The following CALN1 variants were observed in gnomAD, a reference collection of about 807,000 sequenced individuals.
The protein encoded by CALN1 is calneuron 1, also known as calcium-binding protein 8.
Under a neutral mutation model 30.6 loss-of-function variants are expected in CALN1, and 17 were observed. That is an observed-to-expected ratio of 0.56 (90% CI 0.38 to 0.83). The LOEUF is 0.83. CALN1 is among the 40% of genes least tolerant of loss of function. The pLI, the probability that CALN1 is intolerant of heterozygous loss-of-function variation, is 0.00. For synonymous variants in CALN1, 156 were observed against 131.4 expected (o/e 1.19, Z -1.28); for missense variants, 291 against 354.9 (o/e 0.82, Z 1.45).
intron 5 of CALN1, among the ~76,000 whole-genome samples, chr7:71,955,477 A>G (rs1796912740): frequency 1.3e-5 from 2 of 151,944 alleles, no homozygotes; most frequent in South Asian, 2.1e-4. Context: ...TATGACCCCT[A>G]CTCCCTAAGT....
intron 3 of CALN1, 48 bp from the exon 4 acceptor site, chr7:72,106,342 A>G (rs1807109078): frequency 3.1e-6 from 5 of 1,610,282 alleles, no homozygotes; most frequent in Non-Finnish European, 4.2e-6. Flanking sequence ...GGCTGGCTTT[A>G]TTGCACTGCA....
intron 4 of CALN1, among the ~76,000 whole-genome samples, chr7:72,044,616 T>C (rs942330664): frequency 9.1e-5 from 13 of 142,396 alleles, no homozygotes; most frequent in African/African-American, 3.4e-4. Context: ...TTTTTTTTTT[T>C]TTTTTTTTTT....
upstream of CALN1, among the ~76,000 whole-genome samples, chr7:72,414,826 T>C (rs1011601010): frequency 6.6e-5 from 10 of 152,160 alleles, no homozygotes; most frequent in Non-Finnish European, 1.2e-4. Context: ...CCCCCAAATA[T>C]ATATCCTGAA....
chr7:72,399,829 G>A (rs368942366), intron 2 of CALN1, among the ~76,000 whole-genome samples: 1 of 152,294 alleles, frequency 6.6e-6, no homozygotes, highest in East Asian at 1.9e-4. Context: ...AGGTGTTTGG[G>A]TCATGCAGGC....
chr7:71,971,953 A>AAAAAAAAGAAAGAAAGAAAGAAAG (rs1797839188), intron 5 of CALN1, among the ~76,000 whole-genome samples: 1 of 72,838 alleles, frequency 1.4e-5, no homozygotes, highest in East Asian at 7.0e-4. Flanking sequence ...AAAAAAAAAA[A>AAAAAAAAGAAAGAAAGAAAGAAAG]AAAGAAAGAA....
intron 5 of CALN1, among the ~76,000 whole-genome samples, chr7:71,914,313 TCTGTTC>T (rs1794581032): frequency 6.6e-6 from 1 of 152,216 alleles, no homozygotes; most frequent in East Asian, 1.9e-4. Flanking sequence ...TATTTGGTTT[TCTGTTC>T]CTGCGTTAGT....
At chr7:72,455,319 A>ATGTGTGTGTG in the CALN1 span, among the ~76,000 whole-genome samples, 1 of 132,378 alleles carries the variant, frequency 7.6e-6, no homozygotes, top group Admixed American at 8.0e-5. Context: ...ATATATATAT[A>ATGTGTGTGTG]TATGTGTGTG....
At chr7:71,922,384 C>T (rs1794990644) in intron 5 of CALN1, among the ~76,000 whole-genome samples, 1 of 150,910 alleles carries the variant, frequency 6.6e-6, no homozygotes, top group East Asian at 1.9e-4. Flanking sequence ...GACTAGCCTA[C>T]AGTGACAACT....
chr7:71,958,683 C>T (rs1378764942), intron 5 of CALN1, among the ~76,000 whole-genome samples: 1 of 152,214 alleles, frequency 6.6e-6, no homozygotes, highest in Admixed American at 6.5e-5. Flanking sequence ...GAACAGGACA[C>T]ACTTCCGGAC....
chr7:71,829,607 G>A (rs1789139680), intron 5 of CALN1, among the ~76,000 whole-genome samples: 1 of 152,238 alleles, frequency 6.6e-6, no homozygotes, highest in African/African-American at 2.4e-5. Context: ...AGGGTAGGCT[G>A]TGGTTTGCTA....
intron 2 of CALN1, among the ~76,000 whole-genome samples, chr7:72,338,466 G>A (rs1252361527): frequency 1.9e-5 from 1 of 52,278 alleles, no homozygotes; most frequent in Non-Finnish European, 4.7e-5. Context: ...TCAGCCAGCA[G>A]CACAGTGTGT....
intron 5 of CALN1, among the ~76,000 whole-genome samples, chr7:71,893,446 G>T (rs1016765631): frequency 6.6e-6 from 1 of 152,076 alleles, no homozygotes; most frequent in Non-Finnish European, 1.5e-5. Context: ...CAGCACTTTG[G>T]GGGGCCGAGG....
At chr7:72,499,826 CTTCTTTCTTTCTTTCTTTCT>C in the CALN1 span, among the ~76,000 whole-genome samples, 632 of 53,032 alleles carry the variant, frequency 0.012, 14 homozygotes, top group Middle Eastern at 0.027. Flanking sequence ...TCCTTCCTTC[CTTCTTTCTTTCTTTCTTTCT>C]TTCTTTCTTT....
At chr7:71,972,392 A>G (rs1473866852) in intron 5 of CALN1, among the ~76,000 whole-genome samples, 1 of 152,178 alleles carries the variant, frequency 6.6e-6, no homozygotes, top group Admixed American at 6.5e-5. Flanking sequence ...GTGAGAAATG[A>G]TCCTTTGGAG....
chr7:71,928,310 A>T (rs66945198), intron 5 of CALN1, among the ~76,000 whole-genome samples: 30,202 of 151,852 alleles, frequency 0.2, 3,100 homozygotes, highest in Non-Finnish European at 0.23. Context: ...TGGCATCTCT[A>T]CCTCCTTGGT....
the CALN1 span, among the ~76,000 whole-genome samples, chr7:72,501,948 T>TATATATATATATATACAC: frequency 1.6e-3 from 113 of 72,336 alleles, 7 homozygotes; most frequent in African/African-American, 7.0e-3. Context: ...TATATATATA[T>TATATATATATATATACAC]ACACACATAT....
At chr7:71,943,030 T>G (rs955214969) in intron 5 of CALN1, among the ~76,000 whole-genome samples, 1 of 152,214 alleles carries the variant, frequency 6.6e-6, no homozygotes, top group South Asian at 2.1e-4. Flanking sequence ...ACCGAACCAA[T>G]GTACTTCTTA....
chr7:71,966,787 C>T (rs1161911345), intron 5 of CALN1, among the ~76,000 whole-genome samples: 1 of 152,108 alleles, frequency 6.6e-6, no homozygotes, highest in Non-Finnish European at 1.5e-5. Context: ...TGGTCACTAC[C>T]CCCATTGAAA....
At chr7:72,115,117 T>A (rs1466728579) in intron 3 of CALN1, among the ~76,000 whole-genome samples, 1 of 148,010 alleles carries the variant, frequency 6.8e-6, no homozygotes, top group East Asian at 1.9e-4. Flanking sequence ...ATAATATATA[T>A]AGTATAATAT....
Sources: allele counts gnomAD v4.1 joint callset (sites outside exome capture counted in the v4.1 genomes callset), GRCh38; gene constraint gnomAD v4.1.1; transcripts MANE v1.5; gene names NCBI Gene and HGNC (gene_info 2026-07-23, HGNC 2026-07-21).